LDB2: variants seen among roughly 807,000 people sequenced by gnomAD.
The protein encoded by LDB2 is LIM domain binding 2, also known as LIM domain-binding protein 2.
LDB2 carries 12 observed loss-of-function variants against 44.3 expected under a neutral mutation model. The ratio of observed to expected loss-of-function variants is 0.27; its 90% CI spans 0.17 to 0.44. The LOEUF is 0.44. LDB2 is among the 20% of genes least tolerant of loss of function. LDB2 has a pLI of 1.00. For synonymous variants in LDB2, 164 were observed against 174.8 expected (o/e 0.94, Z 0.49); for missense variants, 344 against 473.5 (o/e 0.73, Z 2.54).
intron 2 of LDB2, among the ~76,000 whole-genome samples, chr4:16,622,011 G>A (rs745720031): frequency 1.3e-4 from 20 of 152,146 alleles, no homozygotes; most frequent in African/African-American, 1.4e-4. Context: ...AAAAGTAACC[G>A]CAATTACTTC....
At chr4:16,554,005 T>C (rs1438963711) in intron 5 of LDB2, among the ~76,000 whole-genome samples, 1 of 151,616 alleles carries the variant, frequency 6.6e-6, no homozygotes, top group East Asian at 1.9e-4. Flanking sequence ...GATCTCTCTC[T>C]CTTCCCCCTG....
At chr4:16,863,252 AGAGAG>A (rs1713352455) in intron 1 of LDB2, among the ~76,000 whole-genome samples, 1 of 152,180 alleles carries the variant, frequency 6.6e-6, no homozygotes, top group South Asian at 2.1e-4. Context: ...GAAAGCAGAA[AGAGAG>A]GAGAGTTTAC....
At chr4:16,836,945 G>T (rs1784979107) in intron 1 of LDB2, among the ~76,000 whole-genome samples, 1 of 152,094 alleles carries the variant, frequency 6.6e-6, no homozygotes. Context: ...GATTTTAAAT[G>T]GTCATTCATA....
chr4:16,559,829 C>CAGCA (rs1291597504), intron 5 of LDB2, among the ~76,000 whole-genome samples: 1 of 152,176 alleles, frequency 6.6e-6, no homozygotes, highest in Non-Finnish European at 1.5e-5. Flanking sequence ...AAGCTCTCCT[C>CAGCA]AGCAAATGTA....
chr4:16,797,002 T>C (rs918902066), intron 1 of LDB2, among the ~76,000 whole-genome samples: 43 of 152,206 alleles, frequency 2.8e-4, no homozygotes, highest in African/African-American at 8.7e-4. Context: ...CGTGGTATTG[T>C]GCAGGGAAGC....
At chr4:16,737,429 AT>A (rs1762115893) in intron 2 of LDB2, among the ~76,000 whole-genome samples, 1 of 152,092 alleles carries the variant, frequency 6.6e-6, no homozygotes. Context: ...TTAATTTAGC[AT>A]TTTTTCTTTT....
At position 16,749,589 on chromosome 4, in the gene LDB2, A is replaced by AAT. The variant is rs1197492654; in HGVS notation, c.235+9567_235+9568dup. ...AAAAAAAAATAAAAAAATAAAAAAA[A>AAT]ATATATATATATATATATGAGTCTC... On this transcript the variant is annotated intron_variant, in intron 2 of 7. Coordinates refer to ENST00000304523, the MANE Select transcript of LDB2 (RefSeq NM_001290.5). 8.3e-3 allele frequency among the ~76,000 whole-genome samples: 1,193 copies of AAT among 143,350 alleles called. 15 individuals are homozygous for AAT. The highest frequency in any genetic ancestry group is 0.027 in the African/African-American group (1,030 of 38,744). The allele number at this position is 143,350 out of a possible 152,430, so 94.0% of individuals were successfully genotyped here.
chr4:16,777,690 T>G (rs1772243906), intron 1 of LDB2, among the ~76,000 whole-genome samples: 3 of 152,120 alleles, frequency 2.0e-5, no homozygotes, highest in Non-Finnish European at 4.4e-5. Flanking sequence ...TTGAGTAAAT[T>G]CCTTCTCTCT....
chr4:16,748,785 T>C (rs1248423506), intron 2 of LDB2, among the ~76,000 whole-genome samples: 2 of 152,158 alleles, frequency 1.3e-5, no homozygotes, highest in Non-Finnish European at 2.9e-5. Flanking sequence ...GTTTAAAAAA[T>C]AGTAATAATG....
intron 5 of LDB2, among the ~76,000 whole-genome samples, chr4:16,534,897 T>C (rs546988610): frequency 6.6e-6 from 1 of 152,268 alleles, no homozygotes; most frequent in Admixed American, 6.5e-5. Context: ...CACATCAGCA[T>C]GGCCACCCCA....
chr4:16,694,035 T>C (rs1373782374), intron 2 of LDB2, among the ~76,000 whole-genome samples: 3 of 152,188 alleles, frequency 2.0e-5, no homozygotes, highest in Non-Finnish European at 4.4e-5. Flanking sequence ...CTGAGACAAG[T>C]AGAAGCAGAA....
In LDB2 at chr4:16,776,676, G is replaced by A. The variant is rs76327027; in HGVS notation, c.133-17416C>T. ...GTCCTTGAAGACCCTGTATACTAGC[G>A]GATGACAAATAATGAAAAAGATGAA... On this transcript the variant is annotated intron_variant, in intron 1 of 7. Coordinates refer to ENST00000304523, the MANE Select transcript of LDB2 (RefSeq NM_001290.5). 5.5e-3 allele frequency among the ~76,000 whole-genome samples: 839 copies of A among 152,290 alleles called. 10 individuals are homozygous for A. The highest frequency in any genetic ancestry group is 0.019 in the African/African-American group (776 of 41,562).
chr4:16,809,586 C>A (rs551533148), intron 1 of LDB2, among the ~76,000 whole-genome samples: 5 of 152,102 alleles, frequency 3.3e-5, no homozygotes, highest in Non-Finnish European at 5.9e-5. Context: ...ATAGGATTTA[C>A]GAAGATTCTT....
chr4:16,528,316 C>T (rs983115711), intron 5 of LDB2, among the ~76,000 whole-genome samples: 1 of 152,146 alleles, frequency 6.6e-6, no homozygotes, highest in African/African-American at 2.4e-5. Flanking sequence ...AAAAATTTTA[C>T]TCATGTAACC....
chr4:16,585,887 C>A (rs745425095), intron 5 of LDB2, 35 bp downstream of exon 5: 1 of 1,560,244 alleles, frequency 6.4e-7, no homozygotes, highest in African/African-American at 1.4e-5. Context: ...ACTTTTCAAA[C>A]TCACCAAAAA....
chr4:16,822,898 T>A (rs1344656278), intron 1 of LDB2, among the ~76,000 whole-genome samples: 1 of 152,326 alleles, frequency 6.6e-6, no homozygotes, highest in Non-Finnish European at 1.5e-5. Context: ...TGTCTATTAG[T>A]ATTCTTAATA....
intron 5 of LDB2, chr4:16,512,317 G>T: frequency 2.2e-6 from 1 of 464,566 alleles, no homozygotes. Flanking sequence ...AGCTGAATGT[G>T]ATTCACACGG....
At chr4:16,573,200 G>A (rs186609995) in intron 5 of LDB2, among the ~76,000 whole-genome samples, 5 of 152,288 alleles carry the variant, frequency 3.3e-5, no homozygotes, top group Admixed American at 3.3e-4. Flanking sequence ...GGTGCATATA[G>A]TTCCTAATAT....
rs547554117 is a variant in LDB2 at position 16,554,942 on chromosome 4, T to C, written c.615+30980A>G. Among the ~76,000 whole-genome samples the C allele has an allele frequency of 3.9e-5, 6 of 152,276 alleles. No individual in the cohort carries two copies. In the East Asian group the frequency reaches 1.2e-3, roughly 29 times the overall value. ...ACTTTGGGTGATTATGACATGTCAG[T>C]GTTGGTTCATTGATGTGACAAATGT... On this transcript the variant is annotated intron_variant, in intron 5 of 7. Transcript: ENST00000304523.
Sources: allele counts gnomAD v4.1 joint callset (sites outside exome capture counted in the v4.1 genomes callset), GRCh38; gene constraint gnomAD v4.1.1; transcripts MANE v1.5; gene names NCBI Gene and HGNC (gene_info 2026-07-23, HGNC 2026-07-21).